The following TENM2 variants were observed in gnomAD, a reference collection of about 807,000 sequenced individuals.
TENM2 encodes teneurin transmembrane protein 2.
In TENM2, 52 loss-of-function variants were observed where a neutral mutation model predicts 245.2. The ratio of observed to expected loss-of-function variants is 0.21; its 90% CI spans 0.17 to 0.27. The LOEUF (loss-of-function observed/expected upper bound fraction) is 0.27, where lower values mean the gene tolerates loss of function less well. TENM2 is among the 10% of genes least tolerant of loss of function. The probability of loss-of-function intolerance (pLI) is 1.00; values close to 1 mark genes in which losing one functional copy is unlikely to be tolerated. For synonymous variants in TENM2, 1,363 were observed against 1,438.9 expected, an observed-to-expected ratio of 0.95 and a Z score of 1.19; for missense variants, 3,046 against 3,666.8, an observed-to-expected ratio of 0.83 and a Z score of 4.37.
chr5:167,868,601 A>G (rs965512916), intron 2 of TENM2, among the ~76,000 whole-genome samples: 2 of 151,652 alleles, frequency 1.3e-5, no homozygotes, highest in East Asian at 1.9e-4. Flanking sequence ...GCCTGGCGTG[A>G]TGGTGCGTGC....
At chr5:167,994,235 C>G (rs537860592) in intron 5 of TENM2, among the ~76,000 whole-genome samples, 13 of 152,368 alleles carry the variant, frequency 8.5e-5, no homozygotes, top group African/African-American at 2.9e-4. Context: ...AAAGCACCAG[C>G]TCAATGAAGC....
chr5:168,218,593 A>C lies in TENM2; in HGVS notation c.4702A>C (p.Arg1568=). The C allele has an allele frequency of 6.2e-7, 1 of 1,614,022 alleles. No individual in the cohort carries two copies. Among genetic ancestry groups the C allele is most frequent in the Non-Finnish European group, 8.5e-7 (1 of 1,179,888 alleles). Residue 1568 remains arginine (R), a synonymous_variant, in exon 23 of 29, where the codon AGG becomes CGG. Coordinates refer to ENST00000518659, the Ensembl canonical transcript of TENM2. The surrounding 1 kb of genome is among the most constrained non-coding windows in gnomAD (Gnocchi z 5.2). ...TGCAGACCTTGGAAATATTCGGATCAGGGCGGTCAGCAAGAACAAGCCTGT... is the reference window on the plus strand; with the variant it reads ...TGCAGACCTTGGAAATATTCGGATCCGGGCGGTCAGCAAGAACAAGCCTGT...
intron 25 of TENM2, among the ~76,000 whole-genome samples, chr5:168,235,461 A>T (rs1765345642): frequency 6.6e-6 from 1 of 152,232 alleles, no homozygotes; most frequent in South Asian, 2.1e-4. Flanking sequence ...AATGGAGCTT[A>T]TGCCTTTACC....
chr5:167,045,108 C>A, the TENM2 span, among the ~76,000 whole-genome samples: 1 of 151,938 alleles, frequency 6.6e-6, no homozygotes, highest in South Asian at 2.1e-4. Flanking sequence ...CAGATGCAAG[C>A]CTGCATTTGA....
intron 2 of TENM2, chr5:167,660,355 C>G (rs1217709123): frequency 2.0e-5 from 3 of 150,510 alleles, no homozygotes; most frequent in Admixed American, 6.7e-5. Context: ...GTCCCAGCTA[C>G]TCGTGAGGCT....
downstream of TENM2, chr5:168,263,752 C>T (rs553636094): frequency 2.0e-5 from 3 of 152,646 alleles, no homozygotes; most frequent in South Asian, 2.1e-4. Flanking sequence ...GTATCAGTTT[C>T]GGTAGAGGTG....
At chr5:167,832,742 G>A (rs142250029) in intron 2 of TENM2, among the ~76,000 whole-genome samples, 1 of 152,280 alleles carries the variant, frequency 6.6e-6, no homozygotes, top group East Asian at 1.9e-4. Context: ...AGAAATATAT[G>A]TAGAGAGAAA....
the TENM2 span, among the ~76,000 whole-genome samples, chr5:167,187,319 T>C: frequency 6.6e-6 from 1 of 152,204 alleles, no homozygotes; most frequent in African/African-American, 2.4e-5. Context: ...ATGGATAATG[T>C]TGGTTCTCAA....
chr5:167,803,152 A>G (rs1765906721), intron 2 of TENM2, among the ~76,000 whole-genome samples: 1 of 152,148 alleles, frequency 6.6e-6, no homozygotes, highest in African/African-American at 2.4e-5. Context: ...CCTCTTACAC[A>G]GTGAACACCA....
chr5:167,861,019 A>G (rs1168355523), intron 2 of TENM2, among the ~76,000 whole-genome samples: 2 of 107,434 alleles, frequency 1.9e-5, no homozygotes, highest in Non-Finnish European at 3.8e-5. Context: ...CCTCTGTGAG[A>G]AACACCCAAG....
In TENM2 at chr5:168,247,431, G is replaced by T; in HGVS notation, c.6492G>T (p.Gln2164His). The change falls in exon 27 of 29, where the codon CAG (glutamine) becomes CAT (histidine). Residue 2164 changes from glutamine (Q) to histidine (H), a missense_variant. Around this residue, in one of 2 missense-constraint regions of TENM2, gnomAD observed 2,704 missense variants for 3,331.9 expected, o/e 0.81. Coordinates refer to ENST00000518659, the Ensembl canonical transcript of TENM2. The surrounding 1 kb of genome is among the most constrained non-coding windows in gnomAD (Gnocchi z 7.8). The stretch of plus-strand genomic sequence containing the variant: ...CCCATGGGCGGATCAAGGAGGTCCA[G>T]TATGAGATGTTCCGGTCCCTCATGT... 6.2e-7 allele frequency: 1 copy of T among 1,613,918 alleles called. No homozygotes were observed. The highest frequency in any genetic ancestry group is 8.5e-7 in the Non-Finnish European group (1 of 1,179,846).
At chr5:168,116,841 C>T (rs1374743360) in intron 9 of TENM2, among the ~76,000 whole-genome samples, 1 of 152,112 alleles carries the variant, frequency 6.6e-6, no homozygotes, top group Non-Finnish European at 1.5e-5. Context: ...ACAGGGCGCT[C>T]ACCCGGGTTG....
chr5:167,509,675 G>A (rs35888866), intron 2 of TENM2, among the ~76,000 whole-genome samples: 79,021 of 151,972 alleles, frequency 0.52, 21,807 homozygotes, highest in South Asian at 0.66. Flanking sequence ...ATAGTAATAA[G>A]AGCGAACATT....
chr5:167,918,860 G>A (rs777530807), intron 3 of TENM2, among the ~76,000 whole-genome samples: 6 of 151,690 alleles, frequency 4.0e-5, no homozygotes, highest in African/African-American at 9.7e-5. Context: ...AAGTTACCAC[G>A]GGGACAAAAT....
the TENM2 span, among the ~76,000 whole-genome samples, chr5:167,243,969 C>T: frequency 6.6e-6 from 1 of 152,106 alleles, no homozygotes; most frequent in East Asian, 1.9e-4. Context: ...GACAGGGGTC[C>T]ATGTTGTACC....
the TENM2 span, among the ~76,000 whole-genome samples, chr5:167,251,773 C>A: frequency 6.6e-6 from 1 of 152,092 alleles, no homozygotes; most frequent in African/African-American, 2.4e-5. Flanking sequence ...GGTGAGGCAG[C>A]AATGCATTTA....
chr5:168,062,990 A>G (rs1790179929), intron 7 of TENM2, among the ~76,000 whole-genome samples: 1 of 152,126 alleles, frequency 6.6e-6, no homozygotes. Context: ...CACAAAAGCT[A>G]CCCACCTTAC....
rs77063088 is a variant in TENM2, at chr5:167,508,246, C to A, written c.502+132773C>A. On this transcript the variant is annotated intron_variant, in intron 2 of 28. Transcript: ENST00000518659. ...AATGACATTAAAAAAGCTCCACACA[C>A]CCCCTTTTTATCCTCCATCTCCGTT... Among the ~76,000 whole-genome samples, 497 of 152,254 alleles carry A rather than the reference C, an allele frequency of 3.3e-3. 24 individuals carry two copies. The South Asian group carries it at 0.083, about 25-fold the overall frequency.
intron 2 of TENM2, among the ~76,000 whole-genome samples, chr5:167,835,503 C>G (rs12153261): frequency 0.15 from 22,569 of 152,192 alleles, 3,228 homozygotes; most frequent in East Asian, 0.68. Flanking sequence ...CCCTCCTCTG[C>G]CTGAATCTTT....
Sources: allele counts gnomAD v4.1 joint callset (sites outside exome capture counted in the v4.1 genomes callset), GRCh38; gene constraint gnomAD v4.1.1; regional missense constraint gnomAD v4.1.1; non-coding constraint Gnocchi (gnomAD v3.1); transcripts MANE v1.5; gene names NCBI Gene and HGNC (gene_info 2026-07-23, HGNC 2026-07-21).